IPCEF1: variants seen among roughly 807,000 people sequenced by gnomAD.
IPCEF1 encodes interaction protein for cytohesin exchange factors 1, also known as interactor protein for cytohesin exchange factors 1.
A neutral mutation model predicts 50.9 loss-of-function variants in IPCEF1; 31 were observed. The ratio of observed to expected loss-of-function variants is 0.61; its 90% CI spans 0.46 to 0.82. The LOEUF (loss-of-function observed/expected upper bound fraction) is 0.82. Ranked by LOEUF, IPCEF1 falls within the 40% of genes least tolerant of loss-of-function variation. IPCEF1 has a pLI of 0.00. For missense variants in IPCEF1, 458 were observed against 514.0 expected (o/e 0.89, Z 1.05); for synonymous variants, 181 against 192.0 (o/e 0.94, Z 0.47).
chr6:154,202,060 T>C (rs1719654139), intron 9 of IPCEF1, among the ~76,000 whole-genome samples: 1 of 152,200 alleles, frequency 6.6e-6, no homozygotes, highest in Non-Finnish European at 1.5e-5. Flanking sequence ...AGGAAATTTG[T>C]AGATTCTGAG....
At chr6:154,263,964 C>T (rs1020457539) in intron 3 of IPCEF1, among the ~76,000 whole-genome samples, 2 of 133,140 alleles carry the variant, frequency 1.5e-5, no homozygotes, top group African/African-American at 5.4e-5. Context: ...CAGAGGCGCC[C>T]CTCACTTCCC....
At chr6:154,239,462 TC>T (rs1780401924) in intron 5 of IPCEF1, among the ~76,000 whole-genome samples, 2 of 152,192 alleles carry the variant, frequency 1.3e-5, no homozygotes, top group African/African-American at 2.4e-5. Context: ...AAGAAAGTCC[TC>T]AATCATTCTA....
intron 1 of IPCEF1, among the ~76,000 whole-genome samples, chr6:154,338,182 A>C (rs60350452): frequency 0.034 from 5,102 of 152,058 alleles, 309 homozygotes; most frequent in African/African-American, 0.12. Context: ...CTGGGTCATC[A>C]CATGGGGCAT....
At chr6:154,262,252 A>G (rs1309371552) in intron 3 of IPCEF1, among the ~76,000 whole-genome samples, 1 of 152,258 alleles carries the variant, frequency 6.6e-6, no homozygotes, top group Non-Finnish European at 1.5e-5. Flanking sequence ...GTTTCCACTA[A>G]TAAGAATAGA....
chr6:154,179,562 C>T (rs1800658304), intron 10 of IPCEF1, among the ~76,000 whole-genome samples: 1 of 152,144 alleles, frequency 6.6e-6, no homozygotes, highest in South Asian at 2.1e-4. Flanking sequence ...GTTTCCAATG[C>T]AATTTTTATC....
At chr6:154,282,464 C>CCT (rs1479541203) in intron 2 of IPCEF1, among the ~76,000 whole-genome samples, 1 of 151,942 alleles carries the variant, frequency 6.6e-6, no homozygotes. Context: ...GGGCGGATCA[C>CCT]GAGGTCAGGA....
At chr6:154,161,183 C>A (rs978503241) in intron 11 of IPCEF1, among the ~76,000 whole-genome samples, 1 of 151,494 alleles carries the variant, frequency 6.6e-6, no homozygotes, top group African/African-American at 2.4e-5. Flanking sequence ...ACTTTCCAGT[C>A]TTTCTTTACC....
intron 3 of IPCEF1, among the ~76,000 whole-genome samples, chr6:154,264,397 G>A (rs1209194909): frequency 6.6e-6 from 1 of 151,828 alleles, no homozygotes; most frequent in Non-Finnish European, 1.5e-5. Context: ...TAATTGAGAT[G>A]GAGTAACCCT....
chr6:154,200,526 G>GC (rs1776979086), intron 9 of IPCEF1, among the ~76,000 whole-genome samples: 1 of 152,072 alleles, frequency 6.6e-6, no homozygotes, highest in Non-Finnish European at 1.5e-5. Context: ...TTTGAGACCA[G>GC]CCGGGCCAGT....
chr6:154,251,570 G>A (rs1304303686), intron 3 of IPCEF1, among the ~76,000 whole-genome samples: 2 of 152,130 alleles, frequency 1.3e-5, no homozygotes, highest in South Asian at 2.1e-4. Flanking sequence ...TAAAGCAAAC[G>A]GAGCTTCAGA....
At chr6:154,176,498 C>CA (rs530356123) in intron 10 of IPCEF1, among the ~76,000 whole-genome samples, 5 of 151,598 alleles carry the variant, frequency 3.3e-5, no homozygotes, top group Non-Finnish European at 7.4e-5. Flanking sequence ...AATCAATGTG[C>CA]AAAAATCACA....
At chr6:154,273,252 A>G (rs1781942425) in intron 2 of IPCEF1, among the ~76,000 whole-genome samples, 2 of 152,328 alleles carry the variant, frequency 1.3e-5, no homozygotes, top group South Asian at 4.1e-4. Flanking sequence ...CAGGCAAACA[A>G]TGTGCGTTAT....
intron 10 of IPCEF1, among the ~76,000 whole-genome samples, chr6:154,195,919 GT>G (rs751819417): frequency 1.3e-4 from 20 of 151,606 alleles, no homozygotes; most frequent in Non-Finnish European, 2.8e-4. Context: ...AGCCTCTAGA[GT>G]AGCTGGGATT....
chr6:154,178,800 T>C (rs1277586251), intron 10 of IPCEF1, among the ~76,000 whole-genome samples: 1 of 152,176 alleles, frequency 6.6e-6, no homozygotes, highest in South Asian at 2.1e-4. Context: ...AGGCAAATTA[T>C]CACTCAGCTT....
chr6:154,349,691 TG>T (rs1433845892), intron 1 of IPCEF1, among the ~76,000 whole-genome samples: 2 of 152,154 alleles, frequency 1.3e-5, no homozygotes, highest in Non-Finnish European at 2.9e-5. Context: ...CATAAAACTC[TG>T]AAGAATGCAG....
intron 10 of IPCEF1, among the ~76,000 whole-genome samples, chr6:154,186,744 GA>G (rs1801401401): frequency 2.0e-5 from 3 of 152,050 alleles, no homozygotes; most frequent in South Asian, 4.2e-4. Flanking sequence ...TTTTAGTAGA[GA>G]GGGGGTTTCA....
intron 3 of IPCEF1, 75 bp downstream of exon 3, chr6:154,265,837 G>A: frequency 9.5e-7 from 1 of 1,051,260 alleles, no homozygotes; most frequent in Non-Finnish European, 1.4e-6. Flanking sequence ...AGCCAAACTT[G>A]AAATCAACCT....
chr6:154,287,679 C>T (rs1782397700), intron 2 of IPCEF1, among the ~76,000 whole-genome samples: 1 of 152,162 alleles, frequency 6.6e-6, no homozygotes, highest in South Asian at 2.1e-4. Context: ...CGAATTCAGT[C>T]TTCCAACAAA....
chr6:154,323,529 T>C (rs1339466547), intron 1 of IPCEF1, among the ~76,000 whole-genome samples: 1 of 152,268 alleles, frequency 6.6e-6, no homozygotes, highest in Non-Finnish European at 1.5e-5. Flanking sequence ...CAAATAAACA[T>C]TTATTTGATA....
Sources: allele counts gnomAD v4.1 joint callset (sites outside exome capture counted in the v4.1 genomes callset), GRCh38; gene constraint gnomAD v4.1.1; transcripts MANE v1.5; gene names NCBI Gene and HGNC (gene_info 2026-07-23, HGNC 2026-07-21).